The following ATF6 variants were observed in gnomAD, a reference collection of about 807,000 sequenced individuals.
ATF6 encodes activating transcription factor 6.
ATF6 carries 53 observed loss-of-function variants against 83.6 expected under a neutral mutation model. The ratio of observed to expected loss-of-function variants is 0.63; its 90% CI spans 0.51 to 0.80. The LOEUF is 0.80. Among genes scored for constraint, ATF6 ranks in the 30% least tolerant of loss-of-function variants. The pLI, the probability that ATF6 is intolerant of heterozygous loss-of-function variation, is 0.00. For synonymous variants in ATF6, 288 were observed against 285.8 expected, an observed-to-expected ratio of 1.01 and a Z score of -0.08; for missense variants, 744 against 797.9, an observed-to-expected ratio of 0.93 and a Z score of 0.81.
At chr1:161,806,654 C>A (rs956534272) in intron 7 of ATF6, among the ~76,000 whole-genome samples, 1 of 152,138 alleles carries the variant, frequency 6.6e-6, no homozygotes, top group East Asian at 1.9e-4. Flanking sequence ...TCTGTATCAC[C>A]TTTTACCCTG....
At chr1:161,782,037 T>A (rs1684643667) in intron 3 of ATF6, 38 bp downstream of exon 3, 2 of 1,427,444 alleles carry the variant, frequency 1.4e-6, no homozygotes, top group Non-Finnish European at 1.9e-6. Flanking sequence ...TTTAAAAAGA[T>A]CAATTTTATT....
At chr1:161,824,025 A>T (rs990628220) in intron 9 of ATF6, among the ~76,000 whole-genome samples, 1 of 152,194 alleles carries the variant, frequency 6.6e-6, no homozygotes, top group East Asian at 1.9e-4. Flanking sequence ...TGAAATTGTG[A>T]TAGAGTTTGC....
intron 4 of ATF6, among the ~76,000 whole-genome samples, chr1:161,790,688 G>C (rs1684854008): frequency 6.6e-6 from 1 of 152,106 alleles, no homozygotes; most frequent in African/African-American, 2.4e-5. Context: ...GCACACATCT[G>C]TGGTTGTAGC....
Position 161,958,432 on chromosome 1 carries a change from A to AT in ATF6, c.1805-12dup. On this transcript the variant is annotated splice_polypyrimidine_tract_variant and intron_variant, in intron 15 of 15. Coordinates refer to ENST00000367942, the MANE Select transcript of ATF6 (RefSeq NM_007348.4). ...TGTTGAATATTTATTCTTTGTGTAT[A>AT]TTCCTGTCTGCAGAGAATGTGATCA... 1 of 1,583,866 alleles carries AT rather than the reference A, an allele frequency of 6.3e-7. No individual in the cohort carries two copies. Among genetic ancestry groups the AT allele is most frequent in the Non-Finnish European group, 8.6e-7 (1 of 1,164,166 alleles).
chr1:161,907,304 G>A (rs1687895294), intron 14 of ATF6, among the ~76,000 whole-genome samples: 1 of 152,202 alleles, frequency 6.6e-6, no homozygotes, highest in Admixed American at 6.5e-5. Flanking sequence ...ACATAGGTTA[G>A]AGAAAATTTA....
intron 15 of ATF6, among the ~76,000 whole-genome samples, chr1:161,940,380 C>T (rs964340838): frequency 2.0e-5 from 3 of 151,792 alleles, no homozygotes; most frequent in Non-Finnish European, 4.4e-5. Context: ...TGAACCAACT[C>T]TTTCTATCTC....
chr1:161,792,379 G>A (rs1366858733), intron 6 of ATF6, 52 bp downstream of exon 6: 1 of 1,509,930 alleles, frequency 6.6e-7, no homozygotes, highest in African/African-American at 1.4e-5. Context: ...GGCAGTAAGG[G>A]TTGTGTCATA....
intron 7 of ATF6, among the ~76,000 whole-genome samples, chr1:161,803,072 A>T (rs1225252173): frequency 6.6e-6 from 1 of 152,216 alleles, no homozygotes; most frequent in Non-Finnish European, 1.5e-5. Context: ...ATAAAAATGG[A>T]TACTACTAGT....
Position 161,896,116 on chromosome 1 carries a change from C to G in ATF6, c.1720-16180C>G, listed in dbSNP as rs544936002. Among the ~76,000 whole-genome samples, 80 of 152,214 alleles carry G rather than the reference C, an allele frequency of 5.3e-4. 2 individuals are homozygous for G. The highest frequency in any genetic ancestry group is 1.9e-3 in the African/African-American group (79 of 41,526). ...TACATCCGTCTATCTATCCATCAAT[C>G]GATAGATAGATGTATTTGTCTCATT... On this transcript the variant is annotated intron_variant, in intron 14 of 15. Transcript: ENST00000367942.
rs60202873 is a variant in ATF6, at chr1:161,851,233, AACACACACAC to A, written c.1320-456_1320-447del. 1.4e-3 allele frequency among the ~76,000 whole-genome samples: 106 copies of A among 75,486 alleles called. 1 individual carries two copies. Among genetic ancestry groups the A allele is most frequent in the African/African-American group, 2.4e-3 (75 of 30,630 alleles). 49.5% of individuals were successfully genotyped at this position (75,486 alleles called of 152,430 possible). A position where few individuals can be genotyped will look rare whatever the true frequency, so the allele number is the denominator to read the frequency against. ...TAGAATTGTGTCTCACCCTATCCTT[AACACACACAC>A]ACACACACACACACACACACACACA... On this transcript the variant is annotated intron_variant, in intron 10 of 15. Transcript: ENST00000367942.
At chr1:161,907,339 G>C (rs1687896018) in intron 14 of ATF6, among the ~76,000 whole-genome samples, 1 of 152,152 alleles carries the variant, frequency 6.6e-6, no homozygotes, top group Admixed American at 6.5e-5. Context: ...TTGAAATAAG[G>C]CTAGGTGCTA....
In ATF6 at chr1:161,811,424, G is replaced by C. The variant is rs931401059; in HGVS notation, c.910-8209G>C. On this transcript the variant is annotated intron_variant, in intron 7 of 15. Transcript: ENST00000367942. ...TTGAGTATGAGATCTAAAGGAAAAT[G>C]TCTTATGGCTTCTTATAACTTCCCA... Among the ~76,000 whole-genome samples the C allele has an allele frequency of 2.6e-5, 4 of 152,166 alleles. No homozygotes were observed. In the South Asian group the frequency reaches 8.3e-4, roughly 32 times the overall value.
rs2101930437 is a variant in ATF6 at position 161,963,771 on chromosome 1, A to T, written c.*5117A>T. On this transcript the variant is annotated 3_prime_UTR_variant, in exon 16 of 16. Transcript: ENST00000367942. ...GCCTTAGAGGCACTGGTTTCCTGTT[A>T]CCACTTTGGCAAGTATGGATGGTCT... The T allele has an allele frequency of 6.6e-6, 1 of 152,300 alleles. No homozygotes were observed. The highest frequency in any genetic ancestry group is 1.9e-4 in the East Asian group (1 of 5,178). 9.4% of individuals were successfully genotyped at this position (152,300 alleles called of 1,614,324 possible). A position where few individuals can be genotyped will look rare whatever the true frequency, so the allele number is the denominator to read the frequency against.
At chr1:161,918,536 A>G (rs1423861486) in intron 15 of ATF6, among the ~76,000 whole-genome samples, 1 of 152,198 alleles carries the variant, frequency 6.6e-6, no homozygotes, top group Non-Finnish European at 1.5e-5. Context: ...TTATATTATA[A>G]TTACATAATG....
intron 9 of ATF6, among the ~76,000 whole-genome samples, chr1:161,838,718 A>G (rs1686281546): frequency 6.6e-6 from 1 of 152,204 alleles, no homozygotes; most frequent in African/African-American, 2.4e-5. Flanking sequence ...AAAGAATCTC[A>G]GGTTGTTTTC....
chr1:161,881,075 T>G (rs1479124880), intron 14 of ATF6, among the ~76,000 whole-genome samples: 1 of 152,154 alleles, frequency 6.6e-6, no homozygotes, highest in South Asian at 2.1e-4. Flanking sequence ...TGTTCAAATC[T>G]TTCCCGATTT....
chr1:161,837,400 C>T (rs754306263), intron 9 of ATF6, among the ~76,000 whole-genome samples: 2 of 152,114 alleles, frequency 1.3e-5, no homozygotes, highest in Non-Finnish European at 1.5e-5. Context: ...AGGTGTGTGC[C>T]GTGCCTTTGG....
chr1:161,928,330 T>G (rs766105057), intron 15 of ATF6, among the ~76,000 whole-genome samples: 26 of 152,218 alleles, frequency 1.7e-4, no homozygotes, highest in Non-Finnish European at 2.9e-4. Flanking sequence ...CTGTTTTATG[T>G]TCTGGTCATC....
At chr1:161,844,917 A>G (rs1353668157) in intron 9 of ATF6, among the ~76,000 whole-genome samples, 1 of 152,154 alleles carries the variant, frequency 6.6e-6, no homozygotes, top group Non-Finnish European at 1.5e-5. Flanking sequence ...CAAGGTTTAT[A>G]TTGATGTGTG....
Sources: gnomAD v4.1 joint callset for allele counts (sites outside exome capture counted in the v4.1 genomes callset) on GRCh38, gnomAD v4.1.1 for gene constraint, MANE v1.5 for transcripts, NCBI Gene and HGNC (gene_info 2026-07-23, HGNC 2026-07-21) for gene names.